The following LRCH1 variants were observed in gnomAD, a reference collection of about 807,000 sequenced individuals.
LRCH1 encodes the protein leucine-rich repeat and calponin homology domain-containing protein 1.
A neutral mutation model predicts 94.9 loss-of-function variants in LRCH1; 23 were observed. The observed-to-expected ratio is 0.24, with a 90% confidence interval of 0.17 to 0.34. LRCH1 has a LOEUF of 0.34. Ranked by LOEUF, LRCH1 falls within the 10% of genes least tolerant of loss-of-function variation. The pLI, the probability that LRCH1 is intolerant of heterozygous loss-of-function variation, is 1.00. For synonymous variants in LRCH1, 364 were observed against 354.9 expected, an observed-to-expected ratio of 1.03 and a Z score of -0.29; for missense variants, 790 against 945.9, an observed-to-expected ratio of 0.84 and a Z score of 2.16.
Position 46,742,276 on chromosome 13 carries a change from T to G in LRCH1, c.*428T>G. ...TTGAACTAGAATTCTAATTCGGGAC[T>G]GGGCAATTGAGCTGTATAGGGGCCA... On this transcript the variant is annotated 3_prime_UTR_variant, in exon 20 of 20. Transcript: ENST00000389797. 1 of 1,049,886 alleles carries G rather than the reference T, an allele frequency of 9.5e-7. No individual in the cohort carries two copies. Among genetic ancestry groups the G allele is most frequent in the Non-Finnish European group, 1.2e-6 (1 of 869,414 alleles). The allele number at this position is 1,049,886 out of a possible 1,614,324, so 65.0% of individuals were successfully genotyped here.
At chr13:46,570,539 A>G (rs2050230580) in intron 1 of LRCH1, among the ~76,000 whole-genome samples, 2 of 152,228 alleles carry the variant, frequency 1.3e-5, no homozygotes, top group African/African-American at 4.8e-5. Context: ...CACTGCGTGC[A>G]TGAGGACACT....
At chr13:46,721,409 G>A (rs546768271) in intron 16 of LRCH1, among the ~76,000 whole-genome samples, 3 of 152,114 alleles carry the variant, frequency 2.0e-5, no homozygotes, top group Admixed American at 6.5e-5. Context: ...ATTTGGTGGT[G>A]CAAATTAGTT....
intron 1 of LRCH1, among the ~76,000 whole-genome samples, chr13:46,575,392 ACT>A (rs1228202669): frequency 6.6e-6 from 1 of 152,128 alleles, no homozygotes; most frequent in East Asian, 1.9e-4. Context: ...CAACCTTGTG[ACT>A]CTGGTGATAG....
intron 1 of LRCH1, among the ~76,000 whole-genome samples, chr13:46,607,830 C>T (rs1412781039): frequency 1.3e-5 from 2 of 152,012 alleles, no homozygotes; most frequent in East Asian, 1.9e-4. Context: ...AGGGTGGAGA[C>T]GCAAAGGCAC....
chr13:46,620,433 T>C (rs1281458781), intron 1 of LRCH1, among the ~76,000 whole-genome samples: 2 of 152,192 alleles, frequency 1.3e-5, no homozygotes, highest in Non-Finnish European at 2.9e-5. Context: ...ATGTCCACTG[T>C]TCCATGGTAT....
chr13:46,644,653 A>T (rs1344722475), intron 1 of LRCH1, among the ~76,000 whole-genome samples: 1 of 152,208 alleles, frequency 6.6e-6, no homozygotes, highest in Non-Finnish European at 1.5e-5. Context: ...TAATGTAGAA[A>T]TTGTAACACA....
chr13:46,640,624 G>A (rs1007479947), intron 1 of LRCH1, among the ~76,000 whole-genome samples: 7 of 152,220 alleles, frequency 4.6e-5, no homozygotes, highest in Middle Eastern at 3.4e-3. Context: ...TCAATTCAAC[G>A]AATATTTATT....
chr13:46,559,282 T>A (rs2050104080), intron 1 of LRCH1, among the ~76,000 whole-genome samples: 1 of 152,248 alleles, frequency 6.6e-6, no homozygotes, highest in Admixed American at 6.5e-5. Flanking sequence ...CGTTCTGCTA[T>A]TGAATTAAAT....
intron 1 of LRCH1, among the ~76,000 whole-genome samples, chr13:46,648,084 A>G (rs536906241): frequency 6.6e-6 from 1 of 152,200 alleles, no homozygotes; most frequent in East Asian, 1.9e-4. Context: ...TACAGAATCA[A>G]TGGCAGCCCT....
At chr13:46,586,469 G>A (rs990352359) in intron 1 of LRCH1, among the ~76,000 whole-genome samples, 4 of 152,318 alleles carry the variant, frequency 2.6e-5, no homozygotes, top group East Asian at 3.9e-4. Context: ...AGGCTGGAGT[G>A]CAGAGGTGCA....
At chr13:46,556,460 A>G (rs2050066767) in intron 1 of LRCH1, among the ~76,000 whole-genome samples, 1 of 152,182 alleles carries the variant, frequency 6.6e-6, no homozygotes, top group Non-Finnish European at 1.5e-5. Flanking sequence ...TAGTCTTTTA[A>G]TAGGTGAAAC....
At chr13:46,570,914 A>G (rs767545067) in intron 1 of LRCH1, among the ~76,000 whole-genome samples, 2 of 152,192 alleles carry the variant, frequency 1.3e-5, no homozygotes, top group African/African-American at 2.4e-5. Flanking sequence ...AGATTTTTAA[A>G]TTGCTGTGTG....
intron 13 of LRCH1, among the ~76,000 whole-genome samples, chr13:46,708,399 G>A (rs1403464521): frequency 6.6e-6 from 1 of 151,304 alleles, no homozygotes; most frequent in East Asian, 2.0e-4. Context: ...AGCTTCCTGA[G>A]TAGCTGGGAT....
At chr13:46,719,560 G>C (rs1332151706) in intron 16 of LRCH1, among the ~76,000 whole-genome samples, 1 of 152,224 alleles carries the variant, frequency 6.6e-6, no homozygotes, top group East Asian at 1.9e-4. Context: ...GGCAGAAAAT[G>C]ATGGAAAGAT....
intron 2 of LRCH1, among the ~76,000 whole-genome samples, chr13:46,652,470 G>A (rs1219627918): frequency 1.3e-5 from 2 of 151,926 alleles, no homozygotes; most frequent in East Asian, 1.9e-4. Flanking sequence ...GGTAAATAAG[G>A]TGTAGGTTAC....
At chr13:46,641,040 C>T (rs1311753579) in intron 1 of LRCH1, among the ~76,000 whole-genome samples, 1 of 152,062 alleles carries the variant, frequency 6.6e-6, no homozygotes, top group African/African-American at 2.4e-5. Context: ...GTGAGTCAGC[C>T]CATGGGTTCT....
At chr13:46,726,466 AC>A (rs1220790403) in intron 17 of LRCH1, among the ~76,000 whole-genome samples, 1 of 152,170 alleles carries the variant, frequency 6.6e-6, no homozygotes, top group Non-Finnish European at 1.5e-5. Context: ...TAACCAAATA[AC>A]CAGGAAAGGG....
intron 11 of LRCH1, among the ~76,000 whole-genome samples, chr13:46,701,909 G>A (rs1215433950): frequency 1.3e-5 from 2 of 152,166 alleles, no homozygotes; most frequent in African/African-American, 4.8e-5. Flanking sequence ...GGAATCACAC[G>A]CAGCAATCCT....
At chr13:46,699,297 G>C in intron 9 of LRCH1, 39 bp from the exon 10 acceptor site, 1 of 1,551,284 alleles carries the variant, frequency 6.4e-7, no homozygotes, top group Non-Finnish European at 8.9e-7. Flanking sequence ...CTACTGAGTA[G>C]CCAATGGTTT....
Sources: gnomAD v4.1 joint callset for allele counts (sites outside exome capture counted in the v4.1 genomes callset) on GRCh38, gnomAD v4.1.1 for gene constraint, MANE v1.5 for transcripts, NCBI Gene and HGNC (gene_info 2026-07-23, HGNC 2026-07-21) for gene names.